The following FAP variants were observed in gnomAD, a reference collection of about 807,000 sequenced individuals.
FAP encodes fibroblast activation protein alpha.
Under a neutral mutation model 126.5 loss-of-function variants are expected in FAP, and 110 were observed. The ratio of observed to expected loss-of-function variants is 0.87; its 90% CI spans 0.74 to 1.02. The LOEUF is 1.02. Ranked by LOEUF, FAP falls within the 50% of genes least tolerant of loss-of-function variation. The pLI is 0.00. For missense variants in FAP, 919 were observed against 909.2 expected (o/e 1.01, Z -0.14); for synonymous variants, 334 against 297.3 (o/e 1.12, Z -1.27).
chr2:162,215,945 C>T lies in FAP; in HGVS notation c.819G>A (p.Ala273=), dbSNP rs150058882. ...RIFIIDTTYP[A]YVGPQEVPVP... ...CAGGCACTTCCTGGGGACCTACATA[C>T]GCAGGGTAAGTGGTATCGATAATAA... The change falls in exon 10 of 26, where the codon GCG becomes GCA. Residue 273 remains alanine (A), a synonymous_variant. Coordinates refer to ENST00000188790, the MANE Select transcript of FAP (RefSeq NM_004460.5). 337 of 1,614,012 alleles carry T rather than the reference C, an allele frequency of 2.1e-4. No individual in the cohort carries two copies. Among genetic ancestry groups the T allele is most frequent in the African/African-American group, 1.1e-3 (85 of 75,012 alleles).
chr2:162,228,402 A>G (rs1033625291), intron 2 of FAP, among the ~76,000 whole-genome samples: 1 of 152,182 alleles, frequency 6.6e-6, no homozygotes, highest in African/African-American at 2.4e-5. Flanking sequence ...TCTGCTATGT[A>G]TGTAGTAAGA....
At position 162,217,855 on chromosome 2, in the gene FAP, A is replaced by G. The variant is rs1411338567; in HGVS notation, c.762+131T>C. On this transcript the variant is annotated intron_variant, in intron 9 of 25. Transcript: ENST00000188790. ...GTCCACATAAATAATAGAGCACAGT[A>G]CAATGTTTGCCTTACAATGCTCAAG... The G allele has an allele frequency of 1.1e-5, 7 of 627,928 alleles. No homozygotes were observed. The Admixed American group carries it at 2.2e-4, about 20-fold the overall frequency. The allele number at this position is 627,928 out of a possible 1,614,324, so 38.9% of individuals were successfully genotyped here.
At chr2:162,211,632 A>G (rs1367448981) in intron 11 of FAP, among the ~76,000 whole-genome samples, 2 of 152,172 alleles carry the variant, frequency 1.3e-5, no homozygotes, top group African/African-American at 2.4e-5. Flanking sequence ...CTCAGAGAGA[A>G]CAAGTAAGAT....
intron 21 of FAP, among the ~76,000 whole-genome samples, chr2:162,179,792 A>ATC (rs1375172893): frequency 0.14 from 13,692 of 95,460 alleles, 809 homozygotes; most frequent in African/African-American, 0.25. Flanking sequence ...CTATCTATCT[A>ATC]TATATATATA....
chr2:162,179,295 T>C (rs1192816540), intron 21 of FAP, among the ~76,000 whole-genome samples: 1 of 149,592 alleles, frequency 6.7e-6, no homozygotes, highest in Non-Finnish European at 1.5e-5. Context: ...TATACACTAT[T>C]ACATAGAATT....
At chr2:162,227,833 C>T (rs1344368035) in intron 2 of FAP, among the ~76,000 whole-genome samples, 2 of 152,112 alleles carry the variant, frequency 1.3e-5, no homozygotes, top group African/African-American at 2.4e-5. Flanking sequence ...TGTCTACAGC[C>T]TTTTCTAGTC....
intron 12 of FAP, chr2:162,209,497 T>C (rs1276043044): frequency 6.5e-6 from 1 of 154,558 alleles, no homozygotes; most frequent in African/African-American, 2.4e-5. Flanking sequence ...GGAAGGAGTA[T>C]ACATACATGA....
chr2:162,182,443 G>A (rs2106220683), intron 21 of FAP, among the ~76,000 whole-genome samples: 1 of 152,224 alleles, frequency 6.6e-6, no homozygotes, highest in Non-Finnish European at 1.5e-5. Context: ...ATTCTGTTTA[G>A]ATATTTAACA....
chr2:162,216,374 A>G (rs1479846969), intron 9 of FAP, among the ~76,000 whole-genome samples: 1 of 152,134 alleles, frequency 6.6e-6, no homozygotes, highest in Non-Finnish European at 1.5e-5. Context: ...TACCAAGGAG[A>G]GTTCAGAGGG....
intron 14 of FAP, among the ~76,000 whole-genome samples, chr2:162,200,885 T>C (rs1688471714): frequency 6.6e-6 from 1 of 152,210 alleles, no homozygotes; most frequent in Non-Finnish European, 1.5e-5. Flanking sequence ...CAAAATCAAC[T>C]AGGAAATTTT....
chr2:162,176,975 A>G (rs1022014490), intron 21 of FAP, among the ~76,000 whole-genome samples: 5 of 152,188 alleles, frequency 3.3e-5, no homozygotes, highest in Admixed American at 6.5e-5. Context: ...TATCAGCAGC[A>G]CAACAAAAGA....
chr2:162,226,768 A>G (rs2106288286), intron 2 of FAP, 147 bp from the exon 3 acceptor site: 6 of 511,930 alleles, frequency 1.2e-5, no homozygotes, highest in Middle Eastern at 5.0e-4. Flanking sequence ...CATCATAACT[A>G]TTATTATTAA....
At chr2:162,238,846 C>A (rs1012516657) in intron 2 of FAP, among the ~76,000 whole-genome samples, 13 of 152,102 alleles carry the variant, frequency 8.5e-5, no homozygotes, top group Non-Finnish European at 1.6e-4. Context: ...CTAATAATAA[C>A]AACAACAACG....
In FAP at chr2:162,235,711, A is replaced by C. The variant is rs773290017; in HGVS notation, c.91+7197T>G. ...ATAAGAGAATAAAGCAGGCTGCCTGAGCCAGCAGTGGCACTCTGCTGGGGT... is the reference window on the plus strand; with the variant it reads ...ATAAGAGAATAAAGCAGGCTGCCTGCGCCAGCAGTGGCACTCTGCTGGGGT... On this transcript the variant is annotated intron_variant, in intron 2 of 25. Coordinates refer to ENST00000188790, the MANE Select transcript of FAP (RefSeq NM_004460.5). 3.9e-5 allele frequency among the ~76,000 whole-genome samples: 6 copies of C among 152,184 alleles called. 1 individual carries two copies. In the South Asian group the frequency reaches 1.2e-3, roughly 31 times the overall value.
At chr2:162,235,727 C>T (rs900446945) in intron 2 of FAP, among the ~76,000 whole-genome samples, 1 of 152,198 alleles carries the variant, frequency 6.6e-6, no homozygotes, top group African/African-American at 2.4e-5. Context: ...CAGTGGCACT[C>T]TGCTGGGGTC....
At chr2:162,229,492 A>G (rs1689802829) in intron 2 of FAP, among the ~76,000 whole-genome samples, 1 of 152,164 alleles carries the variant, frequency 6.6e-6, no homozygotes, top group South Asian at 2.1e-4. Context: ...TTCATCAGTT[A>G]TACTTGAACA....
At chr2:162,203,221 A>T (rs1386219694) in intron 12 of FAP, 76 bp from the exon 13 acceptor site, 1 of 851,532 alleles carries the variant, frequency 1.2e-6, no homozygotes, top group African/African-American at 1.7e-5. Flanking sequence ...AATATATAAA[A>T]GCGACGTATG....
At chr2:162,231,350 A>G (rs968160403) in intron 2 of FAP, among the ~76,000 whole-genome samples, 8 of 152,204 alleles carry the variant, frequency 5.3e-5, no homozygotes, top group African/African-American at 1.9e-4. Context: ...CTTCCAAATA[A>G]TGTTTTAATA....
chr2:162,176,269 C>T (rs1477187179), intron 21 of FAP: 2 of 152,222 alleles, frequency 1.3e-5, no homozygotes, highest in East Asian at 3.9e-4. Context: ...GCTAAATAAT[C>T]TTGCTGAATC....
Sources: gnomAD v4.1 joint callset for allele counts (sites outside exome capture counted in the v4.1 genomes callset) on GRCh38, gnomAD v4.1.1 for gene constraint, MANE v1.5 for transcripts, NCBI Gene and HGNC (gene_info 2026-07-23, HGNC 2026-07-21) for gene names.